Variants in KCNIP4 observed in about 807,000 individuals in gnomAD.
KCNIP4 encodes Kv channel-interacting protein 4.
KCNIP4 carries 12 observed loss-of-function variants against 34.0 expected under a neutral mutation model. The observed-to-expected ratio is 0.35, with a 90% confidence interval of 0.23 to 0.57. The LOEUF (loss-of-function observed/expected upper bound fraction) is 0.57. Ranked by LOEUF, KCNIP4 falls within the 20% of genes least tolerant of loss-of-function variation. The pLI is 0.83. For missense variants in KCNIP4, 238 were observed against 311.7 expected (o/e 0.76, Z 1.78); for synonymous variants, 124 against 102.2 (o/e 1.21, Z -1.29).
Position 21,420,881 on chromosome 4 carries a change from G to T in KCNIP4, c.61+527690C>A, listed in dbSNP as rs1725395000. 2.0e-5 allele frequency among the ~76,000 whole-genome samples: 3 copies of T among 152,118 alleles called. No individual in the cohort carries two copies. In the South Asian group the frequency reaches 6.2e-4, roughly 31 times the overall value. ...GCCTATGAAATGGGAGAAAATATTT[G>T]CAAACCATTTGATAAGGGGTTAATA... On this transcript the variant is annotated intron_variant, in intron 1 of 8. Transcript: ENST00000382152.
At chr4:21,628,206 AC>A (rs552275388) in intron 1 of KCNIP4, among the ~76,000 whole-genome samples, 5 of 152,112 alleles carry the variant, frequency 3.3e-5, no homozygotes, top group Admixed American at 1.3e-4. Context: ...CTTCCTTTCA[AC>A]CTGCTTCTTT....
intron 1 of KCNIP4, among the ~76,000 whole-genome samples, chr4:21,583,405 T>C (rs1741384742): frequency 6.6e-6 from 1 of 151,878 alleles, no homozygotes; most frequent in Non-Finnish European, 1.5e-5. Context: ...AAGTGATACT[T>C]AAATAAGGCA....
intron 8 of KCNIP4, chr4:20,731,699 A>T (rs140659929): frequency 1.0e-6 from 1 of 985,218 alleles, no homozygotes; most frequent in African/African-American, 1.7e-5. Context: ...GCAAAGAGCA[A>T]TTCAAATCTC....
At chr4:21,032,452 C>A (rs1165863894) in intron 1 of KCNIP4, among the ~76,000 whole-genome samples, 1 of 152,076 alleles carries the variant, frequency 6.6e-6, no homozygotes, top group Non-Finnish European at 1.5e-5. Flanking sequence ...AATACCAAGC[C>A]TTTTCAAAGA....
At chr4:21,440,576 C>T (rs1247540888) in intron 1 of KCNIP4, among the ~76,000 whole-genome samples, 1 of 152,168 alleles carries the variant, frequency 6.6e-6, no homozygotes, top group African/African-American at 2.4e-5. Flanking sequence ...AGTGTTGACA[C>T]TGCTAGGAAA....
intron 1 of KCNIP4, among the ~76,000 whole-genome samples, chr4:21,240,805 G>A (rs1268557761): frequency 6.6e-6 from 1 of 152,132 alleles, no homozygotes; most frequent in Non-Finnish European, 1.5e-5. Context: ...TGCCTTATAG[G>A]CAGCCATGCC....
chr4:21,626,095 T>A (rs759852525), intron 1 of KCNIP4, among the ~76,000 whole-genome samples: 11 of 152,138 alleles, frequency 7.2e-5, no homozygotes, highest in Non-Finnish European at 1.6e-4. Context: ...TTGCTTGCTA[T>A]TTATCTGATA....
rs544555157 is a variant in KCNIP4, at chr4:20,768,472, A to C, written c.289-9582T>G. 7.2e-5 allele frequency among the ~76,000 whole-genome samples: 11 copies of C among 152,336 alleles called. No individual in the cohort carries two copies. The South Asian group carries it at 2.3e-3, about 32-fold the overall frequency. ...AAATTGGATTCTAAAAAGCTCATTTAAAAATTATAGGATTAACCTTTCAGT... is the reference window on the plus strand; with the variant it reads ...AAATTGGATTCTAAAAAGCTCATTTCAAAATTATAGGATTAACCTTTCAGT... On this transcript the variant is annotated intron_variant, in intron 3 of 8. Transcript: ENST00000382152.
chr4:21,494,935 G>T (rs1224236937), intron 1 of KCNIP4, among the ~76,000 whole-genome samples: 1 of 152,086 alleles, frequency 6.6e-6, no homozygotes, highest in Admixed American at 6.6e-5. Flanking sequence ...GAATATAGTT[G>T]TGAATCTGAC....
chr4:21,462,527 A>T (rs1000354959), intron 1 of KCNIP4, among the ~76,000 whole-genome samples: 3 of 152,046 alleles, frequency 2.0e-5, no homozygotes, highest in African/African-American at 7.3e-5. Context: ...TCAAGATAAG[A>T]TTTTGGTGGG....
At position 21,201,315 on chromosome 4, in the gene KCNIP4, A is replaced by C. The variant is rs191746315; in HGVS notation, c.62-318606T>G. Among the ~76,000 whole-genome samples, 369 of 152,348 alleles carry C rather than the reference A, an allele frequency of 2.4e-3. 5 individuals are homozygous for C. Among genetic ancestry groups the C allele is most frequent in the Admixed American group, 9.5e-3 (145 of 15,294 alleles). On this transcript the variant is annotated intron_variant, in intron 1 of 8. Coordinates refer to ENST00000382152, the MANE Select transcript of KCNIP4 (RefSeq NM_025221.6). ...GGTTGACATGCTTTGAGAACATTCA[A>C]GTTAAAAGAACAGGAGGTGAAATAT...
chr4:21,273,325 G>A (rs1762262553), intron 1 of KCNIP4, among the ~76,000 whole-genome samples: 1 of 152,128 alleles, frequency 6.6e-6, no homozygotes, highest in Non-Finnish European at 1.5e-5. Context: ...CTAATGGACA[G>A]TATGTTCGGA....
chr4:21,069,763 A>C (rs1419574160), intron 1 of KCNIP4, among the ~76,000 whole-genome samples: 13 of 152,218 alleles, frequency 8.5e-5, no homozygotes, highest in Non-Finnish European at 8.8e-5. Context: ...ATAGATTCAT[A>C]GGAAATTGCA....
chr4:21,074,969 G>T (rs1194506380), intron 1 of KCNIP4, among the ~76,000 whole-genome samples: 1 of 152,168 alleles, frequency 6.6e-6, no homozygotes, highest in African/African-American at 2.4e-5. Flanking sequence ...TCTTAATCCT[G>T]AGCTCTAGTT....
chr4:21,311,955 T>G (rs543195527), intron 1 of KCNIP4, among the ~76,000 whole-genome samples: 66 of 152,276 alleles, frequency 4.3e-4, no homozygotes, highest in African/African-American at 1.5e-3. Context: ...TGAATCACAA[T>G]GTAGTTCTAG....
rs900305987 is a variant in KCNIP4, at chr4:21,420,581, C to T, written c.61+527990G>A. Among the ~76,000 whole-genome samples, 8 of 152,308 alleles carry T rather than the reference C, an allele frequency of 5.3e-5. No homozygotes were observed. In the South Asian group the frequency reaches 1.7e-3, roughly 32 times the overall value. On this transcript the variant is annotated intron_variant, in intron 1 of 8. Coordinates refer to ENST00000382152, the MANE Select transcript of KCNIP4 (RefSeq NM_025221.6). ...TTCTTTGCAGTGTTCTTTATCATTT[C>T]CTGACACTCTACCCTCTGTTTCATA... is the stretch of plus-strand genomic sequence containing the variant.
intron 1 of KCNIP4, among the ~76,000 whole-genome samples, chr4:21,474,264 C>T (rs1294712720): frequency 6.6e-6 from 1 of 152,094 alleles, no homozygotes; most frequent in Non-Finnish European, 1.5e-5. Flanking sequence ...AGAATTGTGT[C>T]AATTACTCTA....
intron 1 of KCNIP4, among the ~76,000 whole-genome samples, chr4:21,696,336 A>C (rs946639398): frequency 6.6e-6 from 1 of 152,072 alleles, no homozygotes; most frequent in African/African-American, 2.4e-5. Context: ...GCACAAGATC[A>C]CCTCTTGCTC....
chr4:21,231,115 A>T (rs192953545), intron 1 of KCNIP4, among the ~76,000 whole-genome samples: 2 of 152,220 alleles, frequency 1.3e-5, no homozygotes, highest in African/African-American at 4.8e-5. Context: ...CTCATTCTTA[A>T]TTTGGCCTGA....
Sources: allele counts gnomAD v4.1 joint callset (sites outside exome capture counted in the v4.1 genomes callset), GRCh38; gene constraint gnomAD v4.1.1; transcripts MANE v1.5; gene names NCBI Gene and HGNC (gene_info 2026-07-23, HGNC 2026-07-21).